CD8B2: variants seen among roughly 807,000 people sequenced by gnomAD.
CD8B2 encodes the protein T-cell surface glycoprotein CD8 beta-2 chain.
A neutral mutation model predicts 23.7 loss-of-function variants in CD8B2; 11 were observed. The observed-to-expected ratio is 0.46, with a 90% CI of 0.29 to 0.77. The LOEUF (loss-of-function observed/expected upper bound fraction) is 0.77, where lower values mean the gene tolerates loss of function less well. Ranked by LOEUF, CD8B2 falls within the 30% of genes least tolerant of loss-of-function variation. The pLI is 0.09. For synonymous variants in CD8B2, 90 were observed against 109.3 expected (o/e 0.82, Z 1.10); for missense variants, 197 against 270.5 (o/e 0.73, Z 1.91).
chr2:106,538,225 G>A (rs569075007), intron 5 of CD8B2: 6 of 152,276 alleles, frequency 3.9e-5, no homozygotes, highest in East Asian at 1.9e-4. Context: ...TTTGAGAAAC[G>A]GGAAAATACG....
At chr2:106,524,033 G>A (rs1267103497) in intron 5 of CD8B2, among the ~76,000 whole-genome samples, 2 of 152,182 alleles carry the variant, frequency 1.3e-5, no homozygotes, top group Non-Finnish European at 1.5e-5. Context: ...AATTGGGCAG[G>A]TTTCATAGGG....
chr2:106,505,386 T>C (rs977774513), intron 5 of CD8B2, among the ~76,000 whole-genome samples: 33 of 152,136 alleles, frequency 2.2e-4, no homozygotes, highest in Non-Finnish European at 3.7e-4. Context: ...CCAATCACCA[T>C]GTGACAGCCA....
At chr2:106,540,534 A>G (rs1276675984) in intron 5 of CD8B2, among the ~76,000 whole-genome samples, 12 of 152,058 alleles carry the variant, frequency 7.9e-5, no homozygotes, top group African/African-American at 2.4e-5. Flanking sequence ...CTTGAGGGGG[A>G]AAAAGTAAAT....
chr2:106,543,691 A>C (rs1228033792), intron 5 of CD8B2, among the ~76,000 whole-genome samples: 2 of 152,196 alleles, frequency 1.3e-5, no homozygotes, highest in Middle Eastern at 3.2e-3. Flanking sequence ...TATAAAAGTA[A>C]AAAGAAACAA....
At chr2:106,530,187 C>T (rs1165132229) in intron 5 of CD8B2, among the ~76,000 whole-genome samples, 1 of 152,194 alleles carries the variant, frequency 6.6e-6, no homozygotes, top group Non-Finnish European at 1.5e-5. Flanking sequence ...AGTGGCACTC[C>T]TGTGAAGGAC....
At position 106,490,947 on chromosome 2, in the gene CD8B2, G is replaced by C. The variant is rs552859182; in HGVS notation, c.117G>C (p.Leu39=). 1 of 1,613,842 alleles carries C rather than the reference G, an allele frequency of 6.2e-7. No individual in the cohort carries two copies. The highest frequency in any genetic ancestry group is 8.5e-7 in the Non-Finnish European group (1 of 1,179,776). The part of the protein sequence containing the change: ...IKVQTNKMVM[L]SCEAKISLSN... ...TGCAAACCAACAAGATGGTGATGCT[G>C]TCCTGCGAGGCTAAAATCTCCCTCA... The change falls in exon 2 of 6, where the codon CTG becomes CTC. Residue 39 remains leucine, a synonymous_variant. Coordinates refer to ENST00000643224, the MANE Select transcript of CD8B2 (RefSeq NM_001349727.2).
intron 5 of CD8B2, 118 bp downstream of exon 5, chr2:106,504,443 C>T (rs1198307340): frequency 8.5e-6 from 13 of 1,533,632 alleles, no homozygotes; most frequent in African/African-American, 1.4e-5. Context: ...TAGACTCGGC[C>T]GGGCGTGGTA....
intron 5 of CD8B2, chr2:106,521,830 A>T (rs1312651402): frequency 6.6e-6 from 1 of 152,228 alleles, no homozygotes; most frequent in Non-Finnish European, 1.5e-5. Flanking sequence ...TAATTCTCTG[A>T]CACTGTAGTT....
At chr2:106,493,075 C>T (rs533233977) in intron 2 of CD8B2, among the ~76,000 whole-genome samples, 71 of 152,256 alleles carry the variant, frequency 4.7e-4, no homozygotes, top group African/African-American at 1.6e-3. Flanking sequence ...TGTTTCCAAA[C>T]CCCAAACCCC....
chr2:106,505,274 G>A (rs547891348), intron 5 of CD8B2, among the ~76,000 whole-genome samples: 35 of 152,256 alleles, frequency 2.3e-4, no homozygotes, highest in African/African-American at 7.9e-4. Context: ...AAATGTTTGG[G>A]GGAGCAAAAG....
At chr2:106,505,433 G>A (rs960834075) in intron 5 of CD8B2, among the ~76,000 whole-genome samples, 3 of 142,504 alleles carry the variant, frequency 2.1e-5, no homozygotes, top group Non-Finnish European at 3.1e-5. Context: ...CGGATTTCTC[G>A]TCTGTTAAAT....
chr2:106,540,062 A>G (rs531558943), intron 5 of CD8B2, among the ~76,000 whole-genome samples: 1 of 152,332 alleles, frequency 6.6e-6, no homozygotes, highest in South Asian at 2.1e-4. Context: ...ATATTCCAAT[A>G]ATTTTATGGC....
chr2:106,543,967 C>A, intron 5 of CD8B2: 1 of 398,646 alleles, frequency 2.5e-6, no homozygotes, highest in Non-Finnish European at 4.4e-6. Context: ...CTTCTCTACT[C>A]ATGAAAGTCC....
Position 106,507,371 on chromosome 2 carries a change from A to G in CD8B2, c.*431A>G. On this transcript the variant is annotated 3_prime_UTR_variant, in exon 6 of 6. Transcript: ENST00000643224. ...GGGCTGGCTCCCTCTTGGTCTTCCCAGGCTGGGGCTGACCTTCCTCGCAGA... is the reference window on the plus strand; with the variant it reads ...GGGCTGGCTCCCTCTTGGTCTTCCCGGGCTGGGGCTGACCTTCCTCGCAGA... 1 of 988,104 alleles carries G rather than the reference A, an allele frequency of 1.0e-6. No homozygotes were observed. Among genetic ancestry groups the G allele is most frequent in the Non-Finnish European group, 1.2e-6 (1 of 831,562 alleles). The allele number at this position is 988,104 out of a possible 1,614,324, so 61.2% of individuals were successfully genotyped here. A position where few individuals can be genotyped will look rare whatever the true frequency, so the allele number is the denominator to read the frequency against.
At chr2:106,537,305 C>G (rs1347562131) in intron 5 of CD8B2, among the ~76,000 whole-genome samples, 1 of 152,150 alleles carries the variant, frequency 6.6e-6, no homozygotes, top group African/African-American at 2.4e-5. Context: ...ACCCTGGAGA[C>G]AACTTTCATT....
chr2:106,544,066 T>C, exon 6 of CD8B2: 1 of 398,674 alleles, frequency 2.5e-6, no homozygotes, highest in Non-Finnish European at 4.4e-6. Flanking sequence ...TGATCCGCTT[T>C]GGTCAAGAGC....
chr2:106,506,194 GTAAGTCCC>G (rs1679502610), intron 5 of CD8B2, among the ~76,000 whole-genome samples: 1 of 151,886 alleles, frequency 6.6e-6, no homozygotes, highest in Admixed American at 6.6e-5. Flanking sequence ...TTCATGGAAA[GTAAGTCCC>G]TCTCTGGTAC....
At position 106,487,416 on chromosome 2, in the gene CD8B2, G is replaced by C. The variant is rs1412969209; in HGVS notation, c.-11G>C. 10 of 1,239,108 alleles carry C rather than the reference G, an allele frequency of 8.1e-6. No individual in the cohort carries two copies. The highest frequency in any genetic ancestry group is 1.0e-5 in the Non-Finnish European group (10 of 992,146). 76.8% of individuals were successfully genotyped at this position (1,239,108 alleles called of 1,614,324 possible). On this transcript the variant is annotated 5_prime_UTR_variant, in exon 1 of 6. Coordinates refer to ENST00000643224, the MANE Select transcript of CD8B2 (RefSeq NM_001349727.2). ...CGAGCCCCCGGGGCCAGGTGTCCCG[G>C]GCGCGCCCCGATGCGGCCGCGGCTG...
chr2:106,543,444 T>C (rs1053962585), intron 5 of CD8B2, among the ~76,000 whole-genome samples: 1 of 152,152 alleles, frequency 6.6e-6, no homozygotes, highest in Non-Finnish European at 1.5e-5. Context: ...GATTGGAGGA[T>C]TGCTTGAACC....
Sources: allele counts gnomAD v4.1 joint callset (sites outside exome capture counted in the v4.1 genomes callset), GRCh38; gene constraint gnomAD v4.1.1; transcripts MANE v1.5; gene names NCBI Gene and HGNC (gene_info 2026-07-23, HGNC 2026-07-21).